The following COG6 variants were observed in gnomAD, a reference collection of about 807,000 sequenced individuals.
COG6 encodes component of oligomeric golgi complex 6.
COG6 carries 74 observed loss-of-function variants against 88.8 expected under a neutral mutation model. The ratio of observed to expected loss-of-function variants is 0.83; its 90% CI spans 0.69 to 1.01. The LOEUF is 1.01. Ranked by LOEUF, COG6 falls within the 50% of genes least tolerant of loss-of-function variation. COG6 has a pLI of 0.00. For synonymous variants in COG6, 286 were observed against 278.7 expected (o/e 1.03, Z -0.26); for missense variants, 800 against 797.9 (o/e 1.00, Z -0.03).
intron 12 of COG6, among the ~76,000 whole-genome samples, chr13:39,695,601 T>G (rs1485057339): frequency 6.6e-6 from 1 of 151,866 alleles, no homozygotes; most frequent in East Asian, 1.9e-4. Context: ...AGCACTAGTT[T>G]ACAGAGTACC....
chr13:39,674,853 T>C (rs900152845), intron 4 of COG6, among the ~76,000 whole-genome samples: 5 of 151,996 alleles, frequency 3.3e-5, no homozygotes, highest in African/African-American at 1.2e-4. Context: ...AAACAGTACG[T>C]GTAGGATTTG....
intron 18 of COG6, among the ~76,000 whole-genome samples, chr13:39,787,584 G>T (rs1306405531): frequency 6.6e-6 from 1 of 151,958 alleles, no homozygotes; most frequent in Non-Finnish European, 1.5e-5. Flanking sequence ...CACCTTATTT[G>T]TTAAGTGTTA....
In COG6 at chr13:39,723,360, A is replaced by C. The variant is rs113200750; in HGVS notation, c.1612A>C (p.Asn538His). 4 of 1,610,602 alleles carry C rather than the reference A, an allele frequency of 2.5e-6. No individual in the cohort carries two copies. In the African/African-American group the frequency reaches 4.0e-5, roughly 16 times the overall value. Residue 538 changes from asparagine to histidine, a missense_variant, in exon 16 of 19, where the codon AAT becomes CAT. Coordinates refer to ENST00000455146, the MANE Select transcript of COG6 (RefSeq NM_020751.3). ...CGAAGCACATTTGGACACACTTATA[A>C]ATGAGCAAGCCTCTTATGTTTTAAC... Reference protein sequence around the residue: ...QIEAHLDTLINEQASYVLTRV... With the variant: ...QIEAHLDTLIHEQASYVLTRV...
intron 5 of COG6, chr13:39,678,009 C>A: frequency 2.3e-6 from 1 of 436,966 alleles, no homozygotes; most frequent in Non-Finnish European, 4.5e-6. Context: ...ATAGTACACA[C>A]ATATGTTCTC....
intron 18 of COG6, among the ~76,000 whole-genome samples, chr13:39,747,161 G>C (rs3000485): frequency 0.97 from 148,055 of 152,276 alleles, 72,148 homozygotes; most frequent in East Asian, 1. Flanking sequence ...TAATTTACTC[G>C]TCTATACCAT....
At chr13:39,684,122 G>A (rs527398032) in intron 8 of COG6, among the ~76,000 whole-genome samples, 1 of 152,062 alleles carries the variant, frequency 6.6e-6, no homozygotes, top group Non-Finnish European at 1.5e-5. Context: ...TGTATCTGAG[G>A]GCTACATGGC....
chr13:39,758,038 G>A (rs1347015362), intron 18 of COG6, among the ~76,000 whole-genome samples: 1 of 151,752 alleles, frequency 6.6e-6, no homozygotes, highest in African/African-American at 2.4e-5. Context: ...TGTCCAACAT[G>A]GTGAAACCCC....
At chr13:39,673,530 T>C (rs1217623209) in intron 4 of COG6, among the ~76,000 whole-genome samples, 4 of 152,042 alleles carry the variant, frequency 2.6e-5, no homozygotes, top group Non-Finnish European at 5.9e-5. Context: ...AAAAAAATTA[T>C]AGAAATACTT....
chr13:39,744,979 CT>C (rs1880260544), intron 18 of COG6, among the ~76,000 whole-genome samples: 1 of 150,716 alleles, frequency 6.6e-6, no homozygotes, highest in African/African-American at 2.4e-5. Context: ...TTTGACAAAC[CT>C]GACAAGGGGT....
At chr13:39,727,569 G>A in intron 18 of COG6, 21 bp downstream of exon 18, 2 of 1,546,448 alleles carry the variant, frequency 1.3e-6, no homozygotes, top group South Asian at 1.1e-5. Context: ...TTGGTCCCAA[G>A]TAGTTGGTAA....
At position 39,701,582 on chromosome 13, in the gene COG6, G is replaced by A. The variant is rs998697209; in HGVS notation, c.1284+1964G>A. ...CAAAAATTAGGATAAGGTTTTATCA[G>A]AAAAGCCAAGAGAAGACAGTTTCTA... On this transcript the variant is annotated intron_variant, in intron 13 of 18. Coordinates refer to ENST00000455146, the MANE Select transcript of COG6 (RefSeq NM_020751.3). 7.9e-5 allele frequency among the ~76,000 whole-genome samples: 12 copies of A among 152,048 alleles called. No individual in the cohort carries two copies. In the East Asian group the frequency reaches 2.3e-3, roughly 29 times the overall value.
At chr13:39,715,306 C>A (rs929444788) in intron 13 of COG6, among the ~76,000 whole-genome samples, 9 of 151,610 alleles carry the variant, frequency 5.9e-5, no homozygotes, top group African/African-American at 2.2e-4. Flanking sequence ...CACACACATA[C>A]TATATATTAT....
chr13:39,710,237 G>GT (rs1318981876), intron 13 of COG6, among the ~76,000 whole-genome samples: 4 of 152,052 alleles, frequency 2.6e-5, no homozygotes, highest in Admixed American at 6.5e-5. Context: ...ATATTGAGTG[G>GT]TTTTTTTGAT....
chr13:39,668,371 TG>T (rs1875399448), intron 4 of COG6, among the ~76,000 whole-genome samples: 5 of 152,222 alleles, frequency 3.3e-5, no homozygotes, highest in Admixed American at 3.3e-4. Context: ...TTTAATTTTT[TG>T]TGGAATGTCC....
chr13:39,706,223 ATATATACTCCTT>A (rs1401497949), intron 13 of COG6, among the ~76,000 whole-genome samples: 9 of 126,910 alleles, frequency 7.1e-5, no homozygotes, highest in African/African-American at 2.6e-4. Context: ...CTTTATATAT[ATATATACTCCTT>A]TATATATATA....
intron 13 of COG6, among the ~76,000 whole-genome samples, chr13:39,709,148 G>A (rs929472954): frequency 6.6e-6 from 1 of 151,946 alleles, no homozygotes; most frequent in Non-Finnish European, 1.5e-5. Flanking sequence ...AAAGAATTAC[G>A]GCACAGTCAA....
intron 17 of COG6, among the ~76,000 whole-genome samples, chr13:39,724,816 T>C (rs937705065): frequency 6.6e-6 from 1 of 151,898 alleles, no homozygotes; most frequent in African/African-American, 2.4e-5. Flanking sequence ...TTTACTCTAT[T>C]TTTAGAGTTT....
intron 4 of COG6, among the ~76,000 whole-genome samples, chr13:39,672,998 C>CT (rs1465147113): frequency 4.0e-5 from 6 of 151,256 alleles, no homozygotes; most frequent in South Asian, 4.2e-4. Context: ...TGTCAAGCAT[C>CT]TTTTTTTTGC....
At chr13:39,783,387 AT>A (rs1881684839) in intron 18 of COG6, among the ~76,000 whole-genome samples, 1 of 152,098 alleles carries the variant, frequency 6.6e-6, no homozygotes, top group Non-Finnish European at 1.5e-5. Flanking sequence ...AAAAGCCTGG[AT>A]TTTTTAGTTA....
Sources: allele counts gnomAD v4.1 joint callset (sites outside exome capture counted in the v4.1 genomes callset), GRCh38; gene constraint gnomAD v4.1.1; transcripts MANE v1.5; gene names NCBI Gene and HGNC (gene_info 2026-07-23, HGNC 2026-07-21).